The following CLDN6 variants were observed in gnomAD, a reference collection of about 807,000 sequenced individuals.
CLDN6 encodes claudin 6.
For missense variants in CLDN6, 279 were observed against 284.1 expected (o/e 0.98, Z 0.13); for synonymous variants, 144 against 131.2 (o/e 1.10, Z -0.67).
At chr16:3,016,110 A>T (rs2151124932) in intron 1 of CLDN6, 68 bp from the exon 2 acceptor site, 1 of 1,419,218 alleles carries the variant, frequency 7.0e-7, no homozygotes, top group African/African-American at 1.4e-5. Context: ...ACATGTGGAC[A>T]GGACTCTAGG....
chr16:3,017,404 C>T (rs1473006274), intron 1 of CLDN6, among the ~76,000 whole-genome samples: 1 of 152,334 alleles, frequency 6.6e-6, no homozygotes, highest in Non-Finnish European at 1.5e-5. Context: ...ACCTGGCCTG[C>T]ACCTGTGTCC....
rs56675146 is a variant in CLDN6, at chr16:3,015,764, G to A, written c.258C>T (p.Ile86=). ...DLQAARALCV[I]ALLVALFGLL... is the part of the protein sequence containing the mutation. The stretch of plus-strand genomic sequence containing the variant: ...AGCCGAACAGGGCCACAAGGAGGGC[G>A]ATGACACAGAGGGCACGTGCAGCCT... The change falls in exon 2 of 2, where the codon ATC becomes ATT. Residue 86 remains isoleucine, a synonymous_variant. Coordinates refer to ENST00000328796, the MANE Select transcript of CLDN6 (RefSeq NM_021195.5). 6.3e-3 allele frequency: 10,213 copies of A among 1,614,066 alleles called. 437 individuals carry two copies. In the African/African-American group the frequency reaches 0.1, roughly 17 times the overall value.
chr16:3,016,696 G>A (rs1441014735), intron 1 of CLDN6, among the ~76,000 whole-genome samples: 7 of 143,580 alleles, frequency 4.9e-5, no homozygotes, highest in African/African-American at 1.8e-4. Context: ...CGCCCAGCCT[G>A]GAGTGCAGTG....
rs142284131 is a variant in CLDN6 at position 3,015,989 on chromosome 16, G to A, written c.33C>T (p.Val11=). The A allele has an allele frequency of 6.8e-6, 11 of 1,613,910 alleles. No individual in the cohort carries two copies. The highest frequency in any genetic ancestry group is 6.6e-5 in the South Asian group (6 of 91,088). ...TCACCCAGCCCAGCAGTGTCAGGAC[G>A]ACTCCCAGGATCTGCATTCCGGCAG... MASAGMQILG[V]VLTLLGWVNG... Residue 11 remains valine, a synonymous_variant, in exon 2 of 2, where the codon GTC becomes GTT. Transcript: ENST00000328796.
In CLDN6 at chr16:3,015,337, G is replaced by A. The variant is rs760563507; in HGVS notation, c.*22C>T. 1.5e-5 allele frequency: 22 copies of A among 1,514,226 alleles called. No individual in the cohort carries two copies. In the African/African-American group the frequency reaches 2.2e-4, roughly 15 times the overall value. The allele number at this position is 1,514,226 out of a possible 1,614,324, so 93.8% of individuals were successfully genotyped here. On this transcript the variant is annotated 3_prime_UTR_variant, in exon 2 of 2. Transcript: ENST00000328796. Reference sequence around the variant, plus strand: ...ACTTCTGGATGGCTCTAGCGCCAGCGGAGCCCCCATTCCCCTCCACGTCAG... The same window carrying A: ...ACTTCTGGATGGCTCTAGCGCCAGCAGAGCCCCCATTCCCCTCCACGTCAG...
rs759021853 is a variant in CLDN6, at chr16:3,016,016, G to C, written c.6C>G (p.Ala2=). 2.5e-5 allele frequency: 40 copies of C among 1,612,924 alleles called. No individual in the cohort carries two copies. Among genetic ancestry groups the C allele is most frequent in the Admixed American group, 2.0e-4 (12 of 59,988 alleles). ...CTCCCAGGATCTGCATTCCGGCAGA[G>C]GCCATGGCGAGGTTGAAGGAGCTGC... The part of the protein sequence containing the change: M[A]SAGMQILGVV... Residue 2 remains alanine (A), a synonymous_variant, in exon 2 of 2, where the codon GCC becomes GCG. Coordinates refer to ENST00000328796, the MANE Select transcript of CLDN6 (RefSeq NM_021195.5).
chr16:3,014,792 A>T lies in CLDN6; in HGVS notation c.*567T>A. The T allele has an allele frequency of 6.8e-6, 1 of 147,250 alleles. No homozygotes were observed. Among genetic ancestry groups the T allele is most frequent in the Non-Finnish European group, 1.1e-5 (1 of 89,240 alleles). 9.1% of individuals were successfully genotyped at this position (147,250 alleles called of 1,614,324 possible). On this transcript the variant is annotated 3_prime_UTR_variant, in exon 2 of 2. Coordinates refer to ENST00000328796, the MANE Select transcript of CLDN6 (RefSeq NM_021195.5). ...CGAGGGGGGCAGGGCAGAAGGGTGC[A>T]GTGTTGGAGGTGGGGGCGGGGGTCT... is the stretch of plus-strand genomic sequence containing the variant.
rs1434010639 is a variant in CLDN6 at position 3,015,778 on chromosome 16, C to T, written c.244G>A (p.Ala82Thr). The change falls in exon 2 of 2, where the codon GCC (alanine) becomes ACC (threonine). Residue 82 changes from alanine to threonine, a missense_variant. Coordinates refer to ENST00000328796, the MANE Select transcript of CLDN6 (RefSeq NM_021195.5). ...ALPQDLQAAR[A>T]LCVIALLVAL... is the part of the protein sequence containing the mutation. ...ACAAGGAGGGCGATGACACAGAGGG[C>T]ACGTGCAGCCTGCAGGTCCTGTGGC... The T allele has an allele frequency of 2.5e-6, 4 of 1,614,114 alleles. No individual in the cohort carries two copies. Among genetic ancestry groups the T allele is most frequent in the South Asian group, 2.2e-5 (2 of 91,078 alleles).
At position 3,016,037 on chromosome 16, in the gene CLDN6, G is replaced by T. The variant is rs2072565420; in HGVS notation, c.-16C>A. The T allele has an allele frequency of 6.2e-7, 1 of 1,607,938 alleles. No homozygotes were observed. Among genetic ancestry groups the T allele is most frequent in the African/African-American group, 1.3e-5 (1 of 75,028 alleles). On this transcript the variant is annotated 5_prime_UTR_variant, in exon 2 of 2. Transcript: ENST00000328796. ...CAGAGGCCATGGCGAGGTTGAAGGAGCTGCACTGTGTTTGGGACAGAAGCA... is the reference window on the plus strand; with the variant it reads ...CAGAGGCCATGGCGAGGTTGAAGGATCTGCACTGTGTTTGGGACAGAAGCA...
chr16:3,015,926 C>A lies in CLDN6; in HGVS notation c.96G>T (p.Val32=). ...LVSCALPMWK[V]TAFIGNSIVV... ...CGATGCTGTTGCCGATGAAAGCGGT[C>A]ACCTTCCACATGGGCAGGGCACAGG... is the stretch of plus-strand genomic sequence containing the variant. The change falls in exon 2 of 2, where the codon GTG becomes GTT. Residue 32 remains valine, a synonymous_variant. Transcript: ENST00000328796. 6.2e-7 allele frequency: 1 copy of A among 1,614,228 alleles called. No homozygotes were observed.
At position 3,015,994 on chromosome 16, in the gene CLDN6, C is replaced by T; in HGVS notation, c.28G>A (p.Gly10Arg). ...CAGCCCAGCAGTGTCAGGACGACTC[C>T]CAGGATCTGCATTCCGGCAGAGGCC... is the stretch of plus-strand genomic sequence containing the variant. MASAGMQIL[G>R]VVLTLLGWVN... The change falls in exon 2 of 2, where the codon GGA (glycine) becomes AGA (arginine). Residue 10 changes from glycine to arginine, a missense_variant. Coordinates refer to ENST00000328796, the MANE Select transcript of CLDN6 (RefSeq NM_021195.5). 1 of 1,613,904 alleles carries T rather than the reference C, an allele frequency of 6.2e-7. No homozygotes were observed. Among genetic ancestry groups the T allele is most frequent in the East Asian group, 2.2e-5 (1 of 44,878 alleles).
chr16:3,015,311 C>A lies in CLDN6; in HGVS notation c.*48G>T. On this transcript the variant is annotated 3_prime_UTR_variant, in exon 2 of 2. Coordinates refer to ENST00000328796, the MANE Select transcript of CLDN6 (RefSeq NM_021195.5). ...CCATCCCAAAGCTGTTGGGCACTGCCACTTCTGGATGGCTCTAGCGCCAGC... is the reference window on the plus strand; with the variant it reads ...CCATCCCAAAGCTGTTGGGCACTGCAACTTCTGGATGGCTCTAGCGCCAGC... 1 of 1,484,194 alleles carries A rather than the reference C, an allele frequency of 6.7e-7. No individual in the cohort carries two copies. Among genetic ancestry groups the A allele is most frequent in the Non-Finnish European group, 9.0e-7 (1 of 1,107,916 alleles). 91.9% of individuals were successfully genotyped at this position (1,484,194 alleles called of 1,614,324 possible). A position where few individuals can be genotyped will look rare whatever the true frequency, so the allele number is the denominator to read the frequency against.
Position 3,015,654 on chromosome 16 carries a change from A to G in CLDN6, c.368T>C (p.Ile123Thr), listed in dbSNP as rs1328001791. Reference sequence around the variant, plus strand: ...CAGGACCCCTGAGATGACAAAGACAATCCCAGAGGTGAGCACCAGGCGGGC... The same window carrying G: ...CAGGACCCCTGAGATGACAAAGACAGTCCCAGAGGTGAGCACCAGGCGGGC... ...SKARLVLTSG[I>T]VFVISGVLTL... The change falls in exon 2 of 2, where the codon ATT becomes ACT. Residue 123 changes from isoleucine (I) to threonine (T), a missense_variant. Physicochemically the swap from Ile to Thr is moderately conservative, Grantham distance 89 (BLOSUM62 -1). Transcript: ENST00000328796. 6.2e-7 allele frequency: 1 copy of G among 1,613,290 alleles called. No homozygotes were observed. Among genetic ancestry groups the G allele is most frequent in the Non-Finnish European group, 8.5e-7 (1 of 1,180,050 alleles).
Position 3,015,092 on chromosome 16 carries a change from G to C in CLDN6, c.*267C>G, listed in dbSNP as rs889511808. The C allele has an allele frequency of 1.6e-5, 7 of 447,274 alleles. No individual in the cohort carries two copies. The highest frequency in any genetic ancestry group is 2.0e-5 in the African/African-American group (1 of 49,530). The allele number at this position is 447,274 out of a possible 1,614,324, so 27.7% of individuals were successfully genotyped here. A position where few individuals can be genotyped will look rare whatever the true frequency, so the allele number is the denominator to read the frequency against. On this transcript the variant is annotated 3_prime_UTR_variant, in exon 2 of 2. Transcript: ENST00000328796. ...AGCCTCCGCATTAGTTCCATAGCTT[G>C]ACTGGCTTCTAAGATGGGCATGTCA... is the stretch of plus-strand genomic sequence containing the variant.
Position 3,016,048 on chromosome 16 carries a change from T to G in CLDN6, c.-21-6A>C. ...GCGAGGTTGAAGGAGCTGCACTGTG[T>G]TTGGGACAGAAGCACAACAAGGTGA... On this transcript the variant is annotated splice_region_variant and splice_polypyrimidine_tract_variant and intron_variant, in intron 1 of 1. Coordinates refer to ENST00000328796, the MANE Select transcript of CLDN6 (RefSeq NM_021195.5). 6.2e-7 allele frequency: 1 copy of G among 1,600,256 alleles called. No individual in the cohort carries two copies. The highest frequency in any genetic ancestry group is 8.5e-7 in the Non-Finnish European group (1 of 1,171,534).
intron 1 of CLDN6, among the ~76,000 whole-genome samples, chr16:3,017,750 ACT>A (rs769734294): frequency 6.7e-6 from 1 of 150,364 alleles, no homozygotes; most frequent in African/African-American, 2.5e-5. Flanking sequence ...CATGAAAAAG[ACT>A]CTGTCCGAGG....
rs760913541 is a variant in CLDN6 at position 3,015,609 on chromosome 16, C to A, written c.413G>T (p.Trp138Leu). The change falls in exon 2 of 2, where the codon TGG becomes TTG. Residue 138 changes from tryptophan (W) to leucine (L), a missense_variant. Coordinates refer to ENST00000328796, the MANE Select transcript of CLDN6 (RefSeq NM_021195.5). The part of the protein sequence containing the change: ...SGVLTLIPVC[W>L]TAHAIIRDFY... ...GTCCCGGATGATGGCATGCGCCGTC[C>A]AGCACACGGGGATTAGCGTCAGGAC... 1.2e-6 allele frequency: 2 copies of A among 1,613,148 alleles called. No homozygotes were observed. The highest frequency in any genetic ancestry group is 1.1e-5 in the South Asian group (1 of 91,084).
Position 3,014,931 on chromosome 16 carries a change from G to C in CLDN6, c.*428C>G. ...GTTAACAGATCATTTGTTTTTCCAG[G>C]GGTGAAGAGAGGAGCTCCAGAGACC... is the stretch of plus-strand genomic sequence containing the variant. On this transcript the variant is annotated 3_prime_UTR_variant, in exon 2 of 2. Transcript: ENST00000328796. 2.5e-6 allele frequency: 1 copy of C among 397,336 alleles called. No homozygotes were observed. The allele number at this position is 397,336 out of a possible 1,614,324, so 24.6% of individuals were successfully genotyped here.
At chr16:3,017,636 G>C (rs1485693135) in intron 1 of CLDN6, among the ~76,000 whole-genome samples, 1 of 152,062 alleles carries the variant, frequency 6.6e-6, no homozygotes, top group African/African-American at 2.4e-5. Context: ...GCTCAGGTCC[G>C]GCCCTTAGGC....
Sources: allele counts gnomAD v4.1 joint callset (sites outside exome capture counted in the v4.1 genomes callset), GRCh38; gene constraint gnomAD v4.1.1; transcripts MANE v1.5; gene names NCBI Gene and HGNC (gene_info 2026-07-23, HGNC 2026-07-21).